The following DPP6 variants were observed in gnomAD, a reference collection of about 807,000 sequenced individuals.
DPP6 encodes the protein A-type potassium channel modulatory protein DPP6.
Under a neutral mutation model 122.6 loss-of-function variants are expected in DPP6, and 69 were observed. That is an observed-to-expected ratio of 0.56 (90% CI 0.46 to 0.69). The LOEUF (loss-of-function observed/expected upper bound fraction) is 0.69, where lower values mean the gene tolerates loss of function less well. DPP6 is among the 30% of genes least tolerant of loss of function. The pLI is 0.00. For synonymous variants in DPP6, 418 were observed against 433.1 expected (o/e 0.97, Z 0.43); for missense variants, 928 against 1,116.9 (o/e 0.83, Z 2.41).
rs1554565236 is a variant in DPP6, at chr7:154,483,401, TA to T, written c.457+8368del. 2.6e-5 allele frequency among the ~76,000 whole-genome samples: 4 copies of T among 151,362 alleles called. No homozygotes were observed. Among genetic ancestry groups the T allele is most frequent in the East Asian group, 2.0e-4 (1 of 5,000 alleles). On this transcript the variant is annotated intron_variant, in intron 3 of 25. Coordinates refer to ENST00000377770, the MANE Select transcript of DPP6 (RefSeq NM_130797.4). The surrounding 1 kb of genome is among the most constrained non-coding windows in gnomAD (Gnocchi z 8.1). ...AGGCACAATACAATTTTTTTTTTTT[TA>T]AAAGCATTTATTTGAGCAAACAGTG...
the DPP6 span, among the ~76,000 whole-genome samples, chr7:153,771,689 A>C: frequency 2.0e-5 from 3 of 152,166 alleles, no homozygotes; most frequent in African/African-American, 7.2e-5. Context: ...GTCAACACAG[A>C]ATTTTATACA....
chr7:154,664,582 A>G (rs371734804), intron 6 of DPP6, among the ~76,000 whole-genome samples: 28 of 151,338 alleles, frequency 1.9e-4, no homozygotes, highest in African/African-American at 6.6e-4. Context: ...TCTCGAACCT[A>G]CCTTTATTTA....
At chr7:154,093,996 C>A (rs1300363683) in intron 1 of DPP6, 1 of 152,140 alleles carries the variant, frequency 6.6e-6, no homozygotes, top group Non-Finnish European at 1.5e-5. Context: ...ATGAGGTTTT[C>A]TGCAGCAATT....
intron 1 of DPP6, among the ~76,000 whole-genome samples, chr7:153,993,452 A>G (rs1797281409): frequency 6.6e-6 from 1 of 152,256 alleles, no homozygotes; most frequent in African/African-American, 2.4e-5. Context: ...CTCTGCCTCA[A>G]AGATACTTTA....
the DPP6 span, among the ~76,000 whole-genome samples, chr7:153,874,824 CA>C: frequency 1.3e-5 from 2 of 151,862 alleles, no homozygotes; most frequent in Admixed American, 6.6e-5. Context: ...AGGGAGCAAA[CA>C]AAAAAATTCA....
chr7:153,983,928 C>G (rs1234467252), intron 1 of DPP6, among the ~76,000 whole-genome samples: 9 of 152,038 alleles, frequency 5.9e-5, no homozygotes, highest in African/African-American at 2.2e-4. Flanking sequence ...GTTGGAAATG[C>G]AGAAATCACC....
intron 7 of DPP6, among the ~76,000 whole-genome samples, chr7:154,689,496 T>C (rs1377045464): frequency 6.6e-6 from 1 of 152,202 alleles, no homozygotes; most frequent in Non-Finnish European, 1.5e-5. Context: ...AAAACCAGCC[T>C]TATGTGACTA....
intron 16 of DPP6, among the ~76,000 whole-genome samples, chr7:154,824,272 GTTTGT>G (rs1799995795): frequency 2.5e-4 from 2 of 8,076 alleles, no homozygotes; most frequent in Non-Finnish European, 8.7e-4. Context: ...TTGTTGTTTT[GTTTGT>G]TTGTTTGTTT....
At chr7:154,399,213 G>A (rs62475099) in intron 1 of DPP6, among the ~76,000 whole-genome samples, 1 of 152,116 alleles carries the variant, frequency 6.6e-6, no homozygotes, top group Admixed American at 6.5e-5. Flanking sequence ...AAAGAGGGAA[G>A]GTTCCCCTCT....
chr7:154,796,033 C>T, intron 12 of DPP6, 150 bp downstream of exon 12: 8 of 1,235,960 alleles, frequency 6.5e-6, no homozygotes, highest in Non-Finnish European at 8.7e-6. Context: ...CGGCTCCACT[C>T]ACGGTGCCTC....
rs80139808 is a variant in DPP6 at position 154,512,948 on chromosome 7, A to G, written c.458-27584A>G. 5.9e-3 allele frequency among the ~76,000 whole-genome samples: 893 copies of G among 152,320 alleles called. 9 individuals are homozygous for G. The highest frequency in any genetic ancestry group is 0.02 in the African/African-American group (832 of 41,570). ...GGCTTTCTTACCTGCAGGAACAGGA[A>G]AAACCATCTTCAATTTTGTGGTCTG... On this transcript the variant is annotated intron_variant, in intron 3 of 25. Transcript: ENST00000377770.
intron 7 of DPP6, among the ~76,000 whole-genome samples, chr7:154,700,260 A>G (rs571156161): frequency 9.8e-5 from 15 of 152,360 alleles, no homozygotes; most frequent in Admixed American, 9.8e-4. Flanking sequence ...TCAAGTTTCT[A>G]CAAGGTTCTG....
At chr7:154,436,513 G>T (rs983756535) in intron 1 of DPP6, among the ~76,000 whole-genome samples, 1 of 152,150 alleles carries the variant, frequency 6.6e-6, no homozygotes, top group African/African-American at 2.4e-5. Flanking sequence ...CCCACCGCGT[G>T]CAAGTGTAGG....
At chr7:153,832,254 CTCT>C in the DPP6 span, among the ~76,000 whole-genome samples, 3 of 152,188 alleles carry the variant, frequency 2.0e-5, no homozygotes, top group Non-Finnish European at 2.9e-5. Context: ...CATGTTTAAT[CTCT>C]TCTTCTCGAT....
At chr7:154,552,184 A>C (rs899034610) in intron 4 of DPP6, among the ~76,000 whole-genome samples, 1 of 152,214 alleles carries the variant, frequency 6.6e-6, no homozygotes, top group African/African-American at 2.4e-5. Flanking sequence ...GTGCACTGTC[A>C]GTCTCAGAAG....
At chr7:154,108,865 A>G (rs1257401135) in intron 1 of DPP6, among the ~76,000 whole-genome samples, 2 of 152,222 alleles carry the variant, frequency 1.3e-5, no homozygotes, top group Non-Finnish European at 2.9e-5. Context: ...AACCAGCTAT[A>G]CCAGTCACTT....
intron 1 of DPP6, among the ~76,000 whole-genome samples, chr7:154,137,013 G>A (rs1212405307): frequency 6.6e-6 from 1 of 152,170 alleles, no homozygotes; most frequent in Non-Finnish European, 1.5e-5. Context: ...GTGTATGTCT[G>A]CTCAACACAC....
intron 6 of DPP6, among the ~76,000 whole-genome samples, chr7:154,640,341 A>T (rs755095127): frequency 6.6e-6 from 1 of 152,198 alleles, no homozygotes; most frequent in Non-Finnish European, 1.5e-5. Flanking sequence ...TTTTTTAGTG[A>T]CATACTACTT....
chr7:154,858,191 C>T (rs1401793702), intron 17 of DPP6: 2 of 152,190 alleles, frequency 1.3e-5, no homozygotes, highest in African/African-American at 2.4e-5. Flanking sequence ...GTGGCAAATA[C>T]TTGACATATT....
Sources: gnomAD v4.1 joint callset for allele counts (sites outside exome capture counted in the v4.1 genomes callset) on GRCh38, gnomAD v4.1.1 for gene constraint, Gnocchi (gnomAD v3.1) non-coding constraint, MANE v1.5 for transcripts, NCBI Gene and HGNC (gene_info 2026-07-23, HGNC 2026-07-21) for gene names.